SETD2: variants seen among roughly 807,000 people sequenced by gnomAD.
The protein encoded by SETD2 is histone-lysine N-methyltransferase SETD2.
In SETD2, 31 loss-of-function variants were observed where a neutral mutation model predicts 242.1. That is an observed-to-expected ratio of 0.13 (90% CI 0.10 to 0.17). SETD2 has a LOEUF of 0.17. SETD2 is among the 10% of genes least tolerant of loss of function. SETD2 has a pLI of 1.00. For synonymous variants in SETD2, 1,006 were observed against 1,066.5 expected, an observed-to-expected ratio of 0.94 and a Z score of 1.11; for missense variants, 2,481 against 3,046.3, an observed-to-expected ratio of 0.81 and a Z score of 4.37.
chr3:47,037,661 C>T lies in SETD2; in HGVS notation c.7350+5G>A. The T allele has an allele frequency of 6.2e-7, 1 of 1,606,336 alleles. No individual in the cohort carries two copies. The highest frequency in any genetic ancestry group is 1.7e-4 in the Middle Eastern group (1 of 6,046). ...TCAGGAAATACATGTGTAAGCCACA[C>T]TCACCTTCATGGGGTTTTCATCATA... On this transcript the variant is annotated splice_donor_5th_base_variant and intron_variant, in intron 18 of 20. Coordinates refer to ENST00000409792, the MANE Select transcript of SETD2 (RefSeq NM_014159.7).
At chr3:47,128,397 T>C (rs973466784) in intron 1 of SETD2, among the ~76,000 whole-genome samples, 3 of 152,216 alleles carry the variant, frequency 2.0e-5, no homozygotes, top group African/African-American at 7.2e-5. Flanking sequence ...CAAAAGGACA[T>C]GACAGCGAGA....
At chr3:47,161,133 C>T (rs1559773354) in intron 1 of SETD2, among the ~76,000 whole-genome samples, 1 of 152,124 alleles carries the variant, frequency 6.6e-6, no homozygotes, top group Non-Finnish European at 1.5e-5. Flanking sequence ...CCATGTTGCC[C>T]ACCTAGTCTT....
chr3:47,125,796 A>G (rs1229963041), intron 2 of SETD2, among the ~76,000 whole-genome samples: 1 of 152,262 alleles, frequency 6.6e-6, no homozygotes, highest in Non-Finnish European at 1.5e-5. Flanking sequence ...TAGGTTGTAC[A>G]AAGAGCATCA....
At position 47,106,498 on chromosome 3, in the gene SETD2, A is replaced by T. The variant is rs1313509680; in HGVS notation, c.4716-378T>A. Among the ~76,000 whole-genome samples, 94 of 31,992 alleles carry T rather than the reference A, an allele frequency of 2.9e-3. 2 individuals carry two copies. The highest frequency in any genetic ancestry group is 6.1e-3 in the African/African-American group (89 of 14,624). 21.0% of individuals were successfully genotyped at this position (31,992 alleles called of 152,430 possible). A position where few individuals can be genotyped will look rare whatever the true frequency, so the allele number is the denominator to read the frequency against. ...AAGTTAGAGGATTTTTGCTCTAAAA[A>T]AAAAAAAAAAAAAAAAAAAAAAAAA... On this transcript the variant is annotated intron_variant, in intron 5 of 20. Transcript: ENST00000409792.
intron 5 of SETD2, among the ~76,000 whole-genome samples, chr3:47,106,817 A>AG (rs1191961861): frequency 2.0e-5 from 3 of 151,606 alleles, no homozygotes; most frequent in South Asian, 2.1e-4. Context: ...GTCTCAAAAA[A>AG]AAAAAAAAAG....
intron 17 of SETD2, among the ~76,000 whole-genome samples, chr3:47,041,615 T>G (rs1478603474): frequency 6.6e-6 from 1 of 152,050 alleles, no homozygotes; most frequent in Non-Finnish European, 1.5e-5. Flanking sequence ...TTACGTAAGA[T>G]TATATAGATG....
intron 18 of SETD2, among the ~76,000 whole-genome samples, chr3:47,025,664 C>T (rs1216118208): frequency 6.6e-6 from 1 of 152,086 alleles, no homozygotes; most frequent in Non-Finnish European, 1.5e-5. Flanking sequence ...TAAGCCTTTG[C>T]AAAAAATCAC....
At chr3:47,147,611 G>A (rs2043887874) in intron 1 of SETD2, among the ~76,000 whole-genome samples, 1 of 150,496 alleles carries the variant, frequency 6.6e-6, no homozygotes, top group African/African-American at 2.4e-5. Flanking sequence ...ACTGTGCCCA[G>A]CCAGCATGTC....
Position 47,042,675 on chromosome 3 carries a change from A to G in SETD2, c.7124T>C (p.Leu2375Pro), listed in dbSNP as rs376889343. 1 of 1,609,726 alleles carries G rather than the reference A, an allele frequency of 6.2e-7. No individual in the cohort carries two copies. Among genetic ancestry groups the G allele is most frequent in the African/African-American group, 1.3e-5 (1 of 74,666 alleles). The change falls in exon 17 of 21, where the codon CTC (leucine) becomes CCC (proline). Residue 2375 changes from leucine (L) to proline (P), a missense_variant. Physicochemically the swap from Leu to Pro is moderately conservative, Grantham distance 98. Around this residue, in one of 17 missense-constraint regions of SETD2, gnomAD observed 235 missense variants for 293.9 expected, o/e 0.80. Transcript: ENST00000409792. The stretch of plus-strand genomic sequence containing the variant: ...AGGAGAGGGGGGCGGCAGATCCAAG[A>G]GATTATTTGTCACAACCATTTCAGA... The part of the protein sequence containing the change: ...QPSEMVVTNN[L>P]LDLPPPSPPK...
At chr3:47,048,838 T>C (rs772624664) in intron 15 of SETD2, among the ~76,000 whole-genome samples, 1 of 151,632 alleles carries the variant, frequency 6.6e-6, no homozygotes, top group South Asian at 2.1e-4. Flanking sequence ...TGGCTAATTT[T>C]TTTTATTTTA....
At chr3:47,023,915 A>C (rs1251301009) in intron 18 of SETD2, among the ~76,000 whole-genome samples, 1 of 152,200 alleles carries the variant, frequency 6.6e-6, no homozygotes, top group Non-Finnish European at 1.5e-5. Context: ...ATACAGAGTG[A>C]CAACTGTAAT....
At chr3:47,149,587 A>C (rs894484882) in intron 1 of SETD2, among the ~76,000 whole-genome samples, 2 of 151,928 alleles carry the variant, frequency 1.3e-5, no homozygotes, top group African/African-American at 2.4e-5. Flanking sequence ...CCATCTGCCT[A>C]CTCCATTTTT....
At position 47,124,369 on chromosome 3, in the gene SETD2, G is replaced by A. The variant is rs2043240831; in HGVS notation, c.267C>T (p.Leu89=). 1.9e-6 allele frequency: 3 copies of A among 1,551,762 alleles called. No individual in the cohort carries two copies. Among genetic ancestry groups the A allele is most frequent in the Non-Finnish European group, 2.6e-6 (3 of 1,147,012 alleles). ...LTKKTLQNRF[L]TALGNEKQSD... The stretch of plus-strand genomic sequence containing the variant: ...TTTGCTTTTCATTGCCAAGTGCAGT[G>A]AGAAACCTATTCTGCAAAGTTTTCT... The change falls in exon 3 of 21, where the codon CTC becomes CTT. Residue 89 remains leucine (L), a synonymous_variant. Coordinates refer to ENST00000409792, the MANE Select transcript of SETD2 (RefSeq NM_014159.7).
At chr3:47,144,776 G>A (rs1278238397) in intron 1 of SETD2, among the ~76,000 whole-genome samples, 2 of 152,010 alleles carry the variant, frequency 1.3e-5, no homozygotes, top group African/African-American at 4.8e-5. Context: ...ATGCCAACGT[G>A]GTTAAAACCC....
intron 3 of SETD2, chr3:47,119,724 T>C (rs11923706): frequency 0.63 from 272,459 of 432,178 alleles, 87,465 homozygotes; most frequent in African/African-American, 0.76. Context: ...CAGTCTCGGG[T>C]ATGTCTTTAT....
At chr3:47,046,406 A>G (rs930897879) in intron 16 of SETD2, 81 bp downstream of exon 16, 153 of 1,332,130 alleles carry the variant, frequency 1.1e-4, no homozygotes, top group Non-Finnish European at 1.5e-4. Flanking sequence ...ATAAAACCCA[A>G]AACAAATCCA....
Position 47,122,882 on chromosome 3 carries a change from G to A in SETD2, c.1754C>T (p.Ser585Phe), listed in dbSNP as rs2106689788. The A allele has an allele frequency of 6.2e-7, 1 of 1,609,896 alleles. No individual in the cohort carries two copies. Among genetic ancestry groups the A allele is most frequent in the Non-Finnish European group, 8.5e-7 (1 of 1,177,930 alleles). The change falls in exon 3 of 21, where the codon TCT becomes TTT. Residue 585 changes from serine (S) to phenylalanine (F), a missense_variant. Physicochemically the swap from Ser to Phe is radical, Grantham distance 155. Around this residue, in one of 17 missense-constraint regions of SETD2, gnomAD observed 1,300 missense variants for 1,259.2 expected, o/e 1.03. Coordinates refer to ENST00000409792, the MANE Select transcript of SETD2 (RefSeq NM_014159.7). ...AGGTGTCTGTAAACTAAAAGAATGA[G>A]ACTGTTTGATTTCTTCATTTAATTC... ...CTELNEEIKQSHSFSLQTPCS... is the reference protein window; with the variant it reads ...CTELNEEIKQFHSFSLQTPCS...
At chr3:47,082,066 G>T (rs2041338751) in intron 12 of SETD2, among the ~76,000 whole-genome samples, 1 of 152,196 alleles carries the variant, frequency 6.6e-6, no homozygotes, top group South Asian at 2.1e-4. Flanking sequence ...GGACTCAAAT[G>T]TGTGTCCAGA....
chr3:47,091,770 A>T (rs1293274891), intron 9 of SETD2, among the ~76,000 whole-genome samples: 1 of 151,910 alleles, frequency 6.6e-6, no homozygotes, highest in East Asian at 1.9e-4. Flanking sequence ...CTCAAAAATA[A>T]ATAAATAAAT....
Sources: allele counts gnomAD v4.1 joint callset (sites outside exome capture counted in the v4.1 genomes callset), GRCh38; gene constraint gnomAD v4.1.1; regional missense constraint gnomAD v4.1.1; transcripts MANE v1.5; gene names NCBI Gene and HGNC (gene_info 2026-07-23, HGNC 2026-07-21).